Variants in TMEM181 observed in about 807,000 individuals in gnomAD.
TMEM181 encodes the protein G protein-coupled receptor 178.
A neutral mutation model predicts 71.9 loss-of-function variants in TMEM181; 39 were observed. The observed-to-expected ratio is 0.54, with a 90% confidence interval of 0.42 to 0.71. TMEM181 has a LOEUF of 0.71. Among genes scored for constraint, TMEM181 ranks in the 30% least tolerant of loss-of-function variants. The pLI, the probability that TMEM181 is intolerant of heterozygous loss-of-function variation, is 0.00. For synonymous variants in TMEM181, 245 were observed against 228.8 expected (o/e 1.07, Z -0.64); for missense variants, 595 against 583.0 (o/e 1.02, Z -0.21).
At chr6:158,619,187 C>T (rs997640565) in intron 10 of TMEM181, among the ~76,000 whole-genome samples, 9 of 152,128 alleles carry the variant, frequency 5.9e-5, no homozygotes, top group Non-Finnish European at 1.2e-4. Context: ...AGGCTTTGTT[C>T]GTTTCTTTTT....
intron 1 of TMEM181, among the ~76,000 whole-genome samples, chr6:158,567,221 G>A (rs570310623): frequency 6.6e-5 from 10 of 152,296 alleles, no homozygotes; most frequent in Non-Finnish European, 1.0e-4. Context: ...GTTGAGAGCC[G>A]GCAGGGGTTT....
At position 158,633,179 on chromosome 6, in the gene TMEM181, T is replaced by G. The variant is rs1276018955; in HGVS notation, c.*1291T>G. 1 of 152,256 alleles carries G rather than the reference T, an allele frequency of 6.6e-6. No homozygotes were observed. The highest frequency in any genetic ancestry group is 2.4e-5 in the African/African-American group (1 of 41,470). 9.4% of individuals were successfully genotyped at this position (152,256 alleles called of 1,614,324 possible). A position where few individuals can be genotyped will look rare whatever the true frequency, so the allele number is the denominator to read the frequency against. On this transcript the variant is annotated 3_prime_UTR_variant, in exon 17 of 17. Transcript: ENST00000684151. ...CAAAATGAAAAGCAAGTAAAATGTT[T>G]TAAATGGTTCATGGAAAACGTATTT...
chr6:158,623,468 AC>A lies in TMEM181; in HGVS notation c.897-81del, dbSNP rs1265465593. Reference sequence around the variant, plus strand: ...TAGTTTATATTAATAAGTAAAAAAAACAAAAAGTCAATAAGAAAAAATGTAA... The same window carrying A: ...TAGTTTATATTAATAAGTAAAAAAAAAAAAAGTCAATAAGAAAAAATGTAA... On this transcript the variant is annotated intron_variant, in intron 10 of 16. Transcript: ENST00000684151. 8.8e-6 allele frequency: 9 copies of A among 1,022,658 alleles called. No individual in the cohort carries two copies. In the East Asian group the frequency reaches 1.1e-4, roughly 13 times the overall value. 63.3% of individuals were successfully genotyped at this position (1,022,658 alleles called of 1,614,324 possible).
At chr6:158,589,367 T>G (rs1284177072) in intron 5 of TMEM181, among the ~76,000 whole-genome samples, 1 of 152,230 alleles carries the variant, frequency 6.6e-6, no homozygotes, top group Non-Finnish European at 1.5e-5. Context: ...TGTTATATAT[T>G]TATGGAAATG....
chr6:158,584,122 T>TTC, intron 4 of TMEM181, 78 bp downstream of exon 4: 1 of 1,274,722 alleles, frequency 7.8e-7, no homozygotes, highest in African/African-American at 1.5e-5. Context: ...TTCAGAATAT[T>TTC]CAGACAAGCA....
Position 158,585,393 on chromosome 6 carries a change from C to G in TMEM181, c.349C>G (p.His117Asp). 1 of 1,611,526 alleles carries G rather than the reference C, an allele frequency of 6.2e-7. No individual in the cohort carries two copies. Among genetic ancestry groups the G allele is most frequent in the Non-Finnish European group, 8.5e-7 (1 of 1,179,416 alleles). ...GTTMYIHNKV[H>D]NRTRTLTCAG... Reference sequence around the variant, plus strand: ...CACGATGTACATTCATAACAAAGTTCACAACCGGACAAGGACCCTCACATG... The same window carrying G: ...CACGATGTACATTCATAACAAAGTTGACAACCGGACAAGGACCCTCACATG... Residue 117 changes from histidine to aspartate, a missense_variant, in exon 5 of 17, where the codon CAC becomes GAC. Physicochemically the swap from His to Asp is moderately conservative, Grantham distance 81. Coordinates refer to ENST00000684151, the MANE Select transcript of TMEM181 (RefSeq NM_001376852.1).
At position 158,565,988 on chromosome 6, in the gene TMEM181, T is replaced by C. The variant is rs137951024; in HGVS notation, c.8+5756T>C. 1.2e-4 allele frequency among the ~76,000 whole-genome samples: 18 copies of C among 152,298 alleles called. No homozygotes were observed. The East Asian group carries it at 2.9e-3, about 24-fold the overall frequency. On this transcript the variant is annotated intron_variant, in intron 1 of 16. Transcript: ENST00000684151. ...GAGGTTTTCTATGCCTATGTGACTT[T>C]GTATGTTGCGTTTCCTTCTAAATTT... is the stretch of plus-strand genomic sequence containing the variant.
At chr6:158,629,969 G>A (rs991266476) in intron 15 of TMEM181, 150 bp downstream of exon 15, 16 of 694,042 alleles carry the variant, frequency 2.3e-5, no homozygotes, top group Non-Finnish European at 2.8e-5. Context: ...TTGAAATGTC[G>A]AGCTCTGAGG....
intron 2 of TMEM181, among the ~76,000 whole-genome samples, chr6:158,574,787 T>C (rs976589408): frequency 6.6e-6 from 1 of 152,200 alleles, no homozygotes; most frequent in Non-Finnish European, 1.5e-5. Context: ...GTCCTGCCTG[T>C]CTGTCTATTA....
chr6:158,627,770 T>G (rs1471468378), intron 13 of TMEM181, among the ~76,000 whole-genome samples: 1 of 151,666 alleles, frequency 6.6e-6, no homozygotes, highest in Non-Finnish European at 1.5e-5. Flanking sequence ...CCAGAGGGTC[T>G]TGAGCTGGGA....
chr6:158,600,458 A>ATTTTTTTTTTTTTTT lies in TMEM181; in HGVS notation c.493-4795_493-4781dup, dbSNP rs61457107. On this transcript the variant is annotated intron_variant, in intron 6 of 16. Coordinates refer to ENST00000684151, the MANE Select transcript of TMEM181 (RefSeq NM_001376852.1). Reference sequence around the variant, plus strand: ...AGTCACCGTGCCTGGCCTAGGGTTAATTTTTTTTTTTTTTTTTTTTTTTTT... The same window carrying ATTTTTTTTTTTTTTT: ...AGTCACCGTGCCTGGCCTAGGGTTAATTTTTTTTTTTTTTTTTTTTTTTTTTTTTTTTTTTTTTTT... Among the ~76,000 whole-genome samples, 12 of 91,868 alleles carry ATTTTTTTTTTTTTTT rather than the reference A, an allele frequency of 1.3e-4. 2 individuals are homozygous for ATTTTTTTTTTTTTTT. The highest frequency in any genetic ancestry group is 2.1e-4 in the African/African-American group (5 of 24,272). 60.3% of individuals were successfully genotyped at this position (91,868 alleles called of 152,430 possible). A position where few individuals can be genotyped will look rare whatever the true frequency, so the allele number is the denominator to read the frequency against.
In TMEM181 at chr6:158,570,576, A is replaced by G. The variant is rs1042054977; in HGVS notation, c.9-2844A>G. ...TTCTTCAATTCACAGGTGGGGAAAC[A>G]GGTCTGGAGTCAGTATACGTGCCCA... On this transcript the variant is annotated intron_variant, in intron 1 of 16. Coordinates refer to ENST00000684151, the MANE Select transcript of TMEM181 (RefSeq NM_001376852.1). Among the ~76,000 whole-genome samples the G allele has an allele frequency of 1.1e-4, 17 of 152,098 alleles. No individual in the cohort carries two copies. The East Asian group carries it at 2.3e-3, about 21-fold the overall frequency.
chr6:158,585,473 C>T (rs374976562), intron 5 of TMEM181, 48 bp downstream of exon 5: 93 of 1,419,392 alleles, frequency 6.6e-5, no homozygotes, highest in South Asian at 2.1e-4. Flanking sequence ...GCTGTGTACA[C>T]GTTTAATTAC....
chr6:158,625,170 C>T lies in TMEM181; in HGVS notation c.1021C>T (p.Arg341Trp), dbSNP rs771903296. 1.4e-5 allele frequency: 23 copies of T among 1,614,024 alleles called. No homozygotes were observed. Among genetic ancestry groups the T allele is most frequent in the African/African-American group, 2.7e-5 (2 of 74,898 alleles). Residue 341 changes from arginine to tryptophan, a missense_variant, in exon 12 of 17, where the codon CGG becomes TGG. Physicochemically the swap from Arg to Trp is moderately radical, Grantham distance 101. Coordinates refer to ENST00000684151, the MANE Select transcript of TMEM181 (RefSeq NM_001376852.1). The stretch of plus-strand genomic sequence containing the variant: ...TCTGTACCTCTTGTTCTTGATAGTG[C>T]GGGCGTGTTCCGAGCTACGTCACAT... ...YILYLLFLIV[R>W]ACSELRHMPY... is the part of the protein sequence containing the mutation.
At chr6:158,614,196 C>T (rs985321820) in intron 10 of TMEM181, among the ~76,000 whole-genome samples, 1 of 152,098 alleles carries the variant, frequency 6.6e-6, no homozygotes, top group Non-Finnish European at 1.5e-5. Context: ...ACCCAAAGGC[C>T]GGGGGTTAGG....
intron 6 of TMEM181, 107 bp from the exon 7 acceptor site, chr6:158,605,159 TA>T: frequency 1.4e-6 from 1 of 703,234 alleles, no homozygotes; most frequent in Non-Finnish European, 2.5e-6. Context: ...TGTGTGTGTG[TA>T]TGTGTATATA....
Position 158,634,368 on chromosome 6 carries a change from A to T in TMEM181, c.*2480A>T, listed in dbSNP as rs1170619470. On this transcript the variant is annotated 3_prime_UTR_variant, in exon 17 of 17. Coordinates refer to ENST00000684151, the MANE Select transcript of TMEM181 (RefSeq NM_001376852.1). ...CAGAAACTTTTGACAGTAGCAAGAA[A>T]ATTGTTGAAGAAAAAATAAATTATT... The T allele has an allele frequency of 6.6e-6, 1 of 152,202 alleles. No individual in the cohort carries two copies. Among genetic ancestry groups the T allele is most frequent in the Admixed American group, 6.5e-5 (1 of 15,282 alleles). The allele number at this position is 152,202 out of a possible 1,614,324, so 9.4% of individuals were successfully genotyped here.
intron 2 of TMEM181, 63 bp from the exon 3 acceptor site, chr6:158,580,876 GA>G: frequency 1.3e-6 from 2 of 1,495,614 alleles, no homozygotes; most frequent in Non-Finnish European, 9.2e-7. Context: ...TTGGAATTTG[GA>G]AAAAAATACT....
intron 1 of TMEM181, among the ~76,000 whole-genome samples, chr6:158,537,616 G>A (rs969629907): frequency 2.8e-4 from 42 of 152,210 alleles, no homozygotes; most frequent in Admixed American, 7.2e-4. Context: ...AAGGCTTGGC[G>A]GTGTCGGGAC....
Sources: allele counts gnomAD v4.1 joint callset (sites outside exome capture counted in the v4.1 genomes callset), GRCh38; gene constraint gnomAD v4.1.1; transcripts MANE v1.5; gene names NCBI Gene and HGNC (gene_info 2026-07-23, HGNC 2026-07-21).